Variants in SALL2 observed in about 807,000 individuals in gnomAD.
SALL2 encodes the protein spalt like transcription factor 2.
A neutral mutation model predicts 58.5 loss-of-function variants in SALL2; 32 were observed. That is an observed-to-expected ratio of 0.55 (90% CI 0.41 to 0.74). SALL2 has a LOEUF of 0.74. Among genes scored for constraint, SALL2 ranks in the 30% least tolerant of loss-of-function variants. The pLI is 0.00. For missense variants in SALL2, 1,201 were observed against 1,268.9 expected (o/e 0.95, Z 0.81); for synonymous variants, 516 against 513.6 (o/e 1.00, Z -0.06).
rs571691183 is a variant in SALL2, at chr14:21,535,079, C to T, written c.-114+1883G>A. Among the ~76,000 whole-genome samples, 13 of 152,256 alleles carry T rather than the reference C, an allele frequency of 8.5e-5. No individual in the cohort carries two copies. The East Asian group carries it at 2.1e-3, about 25-fold the overall frequency. ...AAATGCTGATGGCCGGGAGCGGTGGCTCACGCCTGTAATCCCAGCACTTTG... is the reference window on the plus strand; with the variant it reads ...AAATGCTGATGGCCGGGAGCGGTGGTTCACGCCTGTAATCCCAGCACTTTG... On this transcript the variant is annotated intron_variant, in intron 1 of 1. Transcript: ENST00000541965.
In SALL2 at chr14:21,522,045, T is replaced by G. The variant is rs771906350; in HGVS notation, c.*659A>C. 6.3e-7 allele frequency: 1 copy of G among 1,596,482 alleles called. No individual in the cohort carries two copies. The highest frequency in any genetic ancestry group is 8.5e-7 in the Non-Finnish European group (1 of 1,179,028). ...TATGATGGGCTTCTCAGGCACTGCC[T>G]TGGGTGCAGGAGGCTGAAATAGGAG... On this transcript the variant is annotated 3_prime_UTR_variant, in exon 2 of 2. Coordinates refer to ENST00000537235, the MANE Select transcript of SALL2 (RefSeq NM_001364564.1).
At chr14:21,530,116 G>C (rs969190388), upstream of SALL2, among the ~76,000 whole-genome samples, 3 of 152,066 alleles carry the variant, frequency 2.0e-5, no homozygotes, top group Non-Finnish European at 2.9e-5. Flanking sequence ...TAACTTCCTT[G>C]TATCCTTTCC....
At position 21,525,496 on chromosome 14, in the gene SALL2, A is replaced by C. The variant is rs1362120471; in HGVS notation, c.226T>G (p.Ser76Ala). Residue 76 changes from serine (S) to alanine (A), a missense_variant, in exon 2 of 2, where the codon TCC (serine) becomes GCC (alanine). Coordinates refer to ENST00000537235, the MANE Select transcript of SALL2 (RefSeq NM_001364564.1). This position sits in a 1 kb window ranked among gnomAD's most constrained non-coding sequence, Gnocchi z 4.4. ...GQENPNNSSA[S>A]SEPRPEGHNN... ...TGACCCTCAGGCCGGGGTTCAGAGG[A>C]GGCCGAAGAGTTGTTGGGGTTCTCC... 6.2e-7 allele frequency: 1 copy of C among 1,613,932 alleles called. No individual in the cohort carries two copies. Among genetic ancestry groups the C allele is most frequent in the South Asian group, 1.1e-5 (1 of 91,058 alleles).
In SALL2 at chr14:21,535,116, C is replaced by T. The variant is rs2031064; in HGVS notation, c.-114+1846G>A. 3.3e-5 allele frequency among the ~76,000 whole-genome samples: 5 copies of T among 151,960 alleles called. No homozygotes were observed. The East Asian group carries it at 5.8e-4, about 18-fold the overall frequency. Reference sequence around the variant, plus strand: ...ATCCCAGCACTTTGGGAGGCCAAGGCGGGCAGATTACGAGATCAGGAGATC... The same window carrying T: ...ATCCCAGCACTTTGGGAGGCCAAGGTGGGCAGATTACGAGATCAGGAGATC... On this transcript the variant is annotated intron_variant, in intron 1 of 1. Coordinates refer to the SALL2 transcript ENST00000541965.
upstream of SALL2, chr14:21,526,648 A>G: frequency 1.1e-5 from 3 of 284,522 alleles, no homozygotes; most frequent in Non-Finnish European, 1.6e-5. Context: ...CAGTGGAGCA[A>G]GGCGATAGGC....
At position 21,523,713 on chromosome 14, in the gene SALL2, C is replaced by T; in HGVS notation, c.2009G>A (p.Gly670Asp). 1 of 1,614,190 alleles carries T rather than the reference C, an allele frequency of 6.2e-7. No homozygotes were observed. The highest frequency in any genetic ancestry group is 8.5e-7 in the Non-Finnish European group (1 of 1,180,040). The change falls in exon 2 of 2, where the codon GGT becomes GAT. Residue 670 changes from glycine (G) to aspartate (D), a missense_variant. Physicochemically the swap from Gly to Asp is moderately conservative, Grantham distance 94 (BLOSUM62 -1). Transcript: ENST00000537235. The surrounding 1 kb of genome is among the most constrained non-coding windows in gnomAD (Gnocchi z 4.4). ...KVCGRAFSTR[G>D]NLRAHFVGHK... ...GCCCACGAAATGTGCACGCAGATTACCCCTGGTGGAGAAGGCTCTGCCACA... is the reference window on the plus strand; with the variant it reads ...GCCCACGAAATGTGCACGCAGATTATCCCTGGTGGAGAAGGCTCTGCCACA...
At chr14:21,536,679 C>T (rs1006293453) in intron 1 of SALL2, among the ~76,000 whole-genome samples, 1 of 152,204 alleles carries the variant, frequency 6.6e-6, no homozygotes, top group Non-Finnish European at 1.5e-5. Flanking sequence ...AGCGGGGCTT[C>T]TCCCCAGCGC....
intron 1 of SALL2, among the ~76,000 whole-genome samples, chr14:21,532,984 T>A (rs1312407650): frequency 2.7e-5 from 4 of 150,622 alleles, no homozygotes; most frequent in African/African-American, 9.8e-5. Flanking sequence ...AATAAATAAA[T>A]AAATAAATAA....
Position 21,526,316 on chromosome 14 carries a change from T to A in SALL2, c.-189A>T. The A allele has an allele frequency of 7.1e-7, 1 of 1,404,104 alleles. No individual in the cohort carries two copies. Among genetic ancestry groups the A allele is most frequent in the Non-Finnish European group, 9.2e-7 (1 of 1,084,940 alleles). The allele number at this position is 1,404,104 out of a possible 1,614,324, so 87.0% of individuals were successfully genotyped here. The stretch of plus-strand genomic sequence containing the variant: ...GGGGAGCGAGGAGGCGGGGAGAAGC[T>A]GGAGTGAGAAAGCGGGGAGAGGGGA... On this transcript the variant is annotated 5_prime_UTR_variant, in exon 1 of 2. Transcript: ENST00000537235.
intron 1 of SALL2, among the ~76,000 whole-genome samples, chr14:21,535,757 T>C (rs1271928677): frequency 1.3e-5 from 2 of 152,254 alleles, no homozygotes; most frequent in Non-Finnish European, 2.9e-5. Flanking sequence ...ATCAACTGTA[T>C]GCTAAACAGT....
chr14:21,522,082 T>C lies in SALL2; in HGVS notation c.*622A>G, dbSNP rs766629845. Reference sequence around the variant, plus strand: ...GGCTGAAATAGGAGGGGGGCTGTCTTCTCCTTGGCTTCCCTGGATCCCATT... The same window carrying C: ...GGCTGAAATAGGAGGGGGGCTGTCTCCTCCTTGGCTTCCCTGGATCCCATT... On this transcript the variant is annotated 3_prime_UTR_variant, in exon 2 of 2. Coordinates refer to ENST00000537235, the MANE Select transcript of SALL2 (RefSeq NM_001364564.1). The C allele has an allele frequency of 1.3e-5, 20 of 1,597,582 alleles. No individual in the cohort carries two copies. The African/African-American group carries it at 2.4e-4, about 19-fold the overall frequency.
chr14:21,525,342 G>A lies in SALL2; in HGVS notation c.380C>T (p.Ala127Val), dbSNP rs774246706. 38 of 1,613,846 alleles carry A rather than the reference G, an allele frequency of 2.4e-5. No homozygotes were observed. Among genetic ancestry groups the A allele is most frequent in the Non-Finnish European group, 3.1e-5 (36 of 1,179,908 alleles). ...GCCTCCCCCAGCCGCTGTACCTGTGGCAGCGACCAGGAAATGCCCTGAAGA... is the reference window on the plus strand; with the variant it reads ...GCCTCCCCCAGCCGCTGTACCTGTGACAGCGACCAGGAAATGCCCTGAAGA... Reference protein sequence around the residue: ...EESSGHFLVAATGTAAGGGGG... With the variant: ...EESSGHFLVAVTGTAAGGGGG... Residue 127 changes from alanine to valine, a missense_variant, in exon 2 of 2, where the codon GCC becomes GTC. Ala to Val is a moderately conservative substitution (Grantham distance 64). Coordinates refer to ENST00000537235, the MANE Select transcript of SALL2 (RefSeq NM_001364564.1). This position sits in a 1 kb window ranked among gnomAD's most constrained non-coding sequence, Gnocchi z 4.4.
Position 21,524,462 on chromosome 14 carries a change from C to A in SALL2, c.1260G>T (p.Arg420=). Residue 420 remains arginine (R), a synonymous_variant, in exon 2 of 2, where the codon CGG becomes CGT. Transcript: ENST00000537235. The part of the protein sequence containing the change: ...TRGNLKVHFH[R]HREKYPHVQM... Reference sequence around the variant, plus strand: ...GCACATGTGGGTACTTCTCACGATGCCGGTGGAAATGCACTTTGAGGTTGC... The same window carrying A: ...GCACATGTGGGTACTTCTCACGATGACGGTGGAAATGCACTTTGAGGTTGC... 6.2e-7 allele frequency: 1 copy of A among 1,614,260 alleles called. No individual in the cohort carries two copies. The highest frequency in any genetic ancestry group is 1.7e-5 in the Admixed American group (1 of 60,034).
chr14:21,534,956 G>A (rs914067354), intron 1 of SALL2, among the ~76,000 whole-genome samples: 3 of 152,128 alleles, frequency 2.0e-5, no homozygotes, highest in Non-Finnish European at 4.4e-5. Context: ...TTGACCTCAA[G>A]TTTTTGTTTT....
At position 21,525,096 on chromosome 14, in the gene SALL2, C is replaced by T; in HGVS notation, c.626G>A (p.Gly209Asp). 4 of 1,614,108 alleles carry T rather than the reference C, an allele frequency of 2.5e-6. No homozygotes were observed. Among genetic ancestry groups the T allele is most frequent in the Non-Finnish European group, 3.4e-6 (4 of 1,179,996 alleles). The change falls in exon 2 of 2, where the codon GGC becomes GAC. Residue 209 changes from glycine (G) to aspartate (D), a missense_variant. By Grantham distance (94) the Gly-to-Asp change is moderately conservative. Coordinates refer to ENST00000537235, the MANE Select transcript of SALL2 (RefSeq NM_001364564.1). The surrounding 1 kb of genome is among the most constrained non-coding windows in gnomAD (Gnocchi z 4.4). ...EQICRQVLLLGSLGQTVGAPA... is the reference protein window; with the variant it reads ...EQICRQVLLLDSLGQTVGAPA... ...GGCACCCACCGTCTGGCCTAAGGAG[C>T]CAAGCAACAGCACCTGCCTGCAGAT... is the stretch of plus-strand genomic sequence containing the variant.
chr14:21,522,852 A>T lies in SALL2; in HGVS notation c.2870T>A (p.Met957Lys), dbSNP rs960981977. The change falls in exon 2 of 2, where the codon ATG becomes AAG. Residue 957 changes from methionine (M) to lysine (K), a missense_variant. By Grantham distance (95) the Met-to-Lys change is moderately conservative. Coordinates refer to ENST00000537235, the MANE Select transcript of SALL2 (RefSeq NM_001364564.1). ...CTGTACCTGGTGGTGTGCCAGGAGC[A>T]TATGCTTCTTGAGGGTAGCCCGCTC... The part of the protein sequence containing the change: ...FLERATLKKH[M>K]LLAHHQVQPF... The T allele has an allele frequency of 7.4e-6, 12 of 1,610,970 alleles. No homozygotes were observed. The highest frequency in any genetic ancestry group is 1.0e-5 in the Non-Finnish European group (12 of 1,178,476).
chr14:21,526,375 T>TG (rs1778377186), upstream of SALL2: 5 of 950,402 alleles, frequency 5.3e-6, no homozygotes, highest in Non-Finnish European at 6.1e-6. Flanking sequence ...GGGGAGTTTA[T>TG]GGGGAGGAGC....
chr14:21,524,722 C>T lies in SALL2; in HGVS notation c.1000G>A (p.Ala334Thr). ...GAGGCAGTGGCCTCAAGGCCTCGGG[C>T]TGCCCCAAGACACTGTGCTGCCAGT... is the stretch of plus-strand genomic sequence containing the variant. ...GLLAAQCLGA[A>T]RGLEATASPG... The change falls in exon 2 of 2, where the codon GCC becomes ACC. Residue 334 changes from alanine to threonine, a missense_variant. Ala to Thr is a moderately conservative substitution (Grantham distance 58). Coordinates refer to ENST00000537235, the MANE Select transcript of SALL2 (RefSeq NM_001364564.1). 6.2e-7 allele frequency: 1 copy of T among 1,612,846 alleles called. No homozygotes were observed. Among genetic ancestry groups the T allele is most frequent in the South Asian group, 1.1e-5 (1 of 90,796 alleles).
In SALL2 at chr14:21,523,676, A is replaced by G; in HGVS notation, c.2046T>C (p.Ser682=). 2 of 1,614,220 alleles carry G rather than the reference A, an allele frequency of 1.2e-6. No individual in the cohort carries two copies. Among genetic ancestry groups the G allele is most frequent in the Non-Finnish European group, 1.7e-6 (2 of 1,180,044 alleles). Residue 682 remains serine, a synonymous_variant, in exon 2 of 2, where the codon AGT becomes AGC. Transcript: ENST00000537235. This position sits in a 1 kb window ranked among gnomAD's most constrained non-coding sequence, Gnocchi z 4.4. ...LRAHFVGHKA[S]PAARAQNSCP... The stretch of plus-strand genomic sequence containing the variant: ...AGGAATTCTGTGCCCGGGCAGCTGG[A>G]CTGGCCTTGTGGCCCACGAAATGTG...
Sources: allele counts gnomAD v4.1 joint callset (sites outside exome capture counted in the v4.1 genomes callset), GRCh38; gene constraint gnomAD v4.1.1; non-coding constraint Gnocchi (gnomAD v3.1); transcripts MANE v1.5; gene names NCBI Gene and HGNC (gene_info 2026-07-23, HGNC 2026-07-21).